The following CBR4 variants were observed in gnomAD, a reference collection of about 807,000 sequenced individuals.
The protein encoded by CBR4 is 3-oxoacyl-[acyl-carrier-protein] reductase.
In CBR4, 22 loss-of-function variants were observed where a neutral mutation model predicts 21.0. That is an observed-to-expected ratio of 1.05 (90% CI 0.75 to 1.50). CBR4 has a LOEUF of 1.50. CBR4 is among the 40% of genes most tolerant of loss of function. The probability of loss-of-function intolerance (pLI) is 0.00; values close to 1 mark genes in which losing one functional copy is unlikely to be tolerated. For synonymous variants in CBR4, 100 were observed against 104.4 expected, an observed-to-expected ratio of 0.96 and a Z score of 0.26; for missense variants, 302 against 286.3, an observed-to-expected ratio of 1.05 and a Z score of -0.40.
intron 2 of CBR4, among the ~76,000 whole-genome samples, chr4:168,943,681 G>A (rs1181576216): frequency 3.3e-5 from 5 of 152,148 alleles, no homozygotes; most frequent in East Asian, 3.9e-4. Context: ...AGGCTGAGAC[G>A]GGTGGATCAC....
intron 2 of CBR4, chr4:168,926,678 C>T (rs1044429312): frequency 2.2e-5 from 8 of 356,634 alleles, no homozygotes; most frequent in African/African-American, 1.6e-4. Flanking sequence ...ATCAATTGTT[C>T]ACAGGTAACT....
At position 168,927,835 on chromosome 4, in the gene CBR4, A is replaced by T. The variant is rs976050795; in HGVS notation, n.170-33070T>A. The T allele has an allele frequency of 2.3e-5, 5 of 214,020 alleles. No homozygotes were observed. The highest frequency in any genetic ancestry group is 4.5e-5 in the African/African-American group (2 of 44,316). The allele number at this position is 214,020 out of a possible 1,614,324, so 13.3% of individuals were successfully genotyped here. Reference sequence around the variant, plus strand: ...AGGAGAAAAAATAATTTGACCTAGTAGTATAAAACATGAGGCTTTAATGGT... The same window carrying T: ...AGGAGAAAAAATAATTTGACCTAGTTGTATAAAACATGAGGCTTTAATGGT... On this transcript the variant is annotated intron_variant and non_coding_transcript_variant, in intron 2 of 3. Coordinates refer to the CBR4 transcript ENST00000509108.
chr4:168,994,745 ATTTTTTTTTTT>A (rs5863973), intron 4 of CBR4, among the ~76,000 whole-genome samples: 6 of 48,786 alleles, frequency 1.2e-4, no homozygotes, highest in African/African-American at 1.5e-4. Context: ...CGCCTGGCTA[ATTTTTTTTTTT>A]TTTTTTTTTT....
rs1473801467 is a variant in CBR4, at chr4:169,006,810, A to T, written c.345T>A (p.Cys115Ter). 1 of 1,613,816 alleles carries T rather than the reference A, an allele frequency of 6.2e-7. No individual in the cohort carries two copies. The change falls in exon 3 of 5, where the codon TGT (cysteine) becomes TGA (stop). Residue 115 changes from cysteine (C) to a stop codon, truncating the protein, a stop_gained. Coordinates refer to ENST00000306193, the MANE Select transcript of CBR4 (RefSeq NM_032783.5). LOFTEE classifies it high-confidence loss of function. ...HTNLLGSMLTCKAAMRTMIQQ... is the reference protein window; with the variant it reads ...HTNLLGSMLT ...GAATCATAGTCCTCATGGCAGCTTT[A>T]CAGGTCAGCATGGAACCCAAGAGGT... is the stretch of plus-strand genomic sequence containing the variant.
At chr4:168,967,532 T>G (rs1342601061) in intron 2 of CBR4, among the ~76,000 whole-genome samples, 2 of 152,144 alleles carry the variant, frequency 1.3e-5, no homozygotes, top group African/African-American at 4.8e-5. Flanking sequence ...GTTCTATTAT[T>G]ATGAAGGAAA....
chr4:168,922,679 T>C (rs1761814015), intron 2 of CBR4, among the ~76,000 whole-genome samples: 1 of 152,236 alleles, frequency 6.6e-6, no homozygotes, highest in Non-Finnish European at 1.5e-5. Flanking sequence ...GTGGTAAATA[T>C]GTGGACTGTG....
At chr4:168,966,727 GCTA>G (rs918601180) in intron 2 of CBR4, among the ~76,000 whole-genome samples, 7 of 151,702 alleles carry the variant, frequency 4.6e-5, no homozygotes, top group African/African-American at 1.7e-4. Flanking sequence ...TATAAATCAT[GCTA>G]CTACAGGGCC....
At chr4:168,925,762 A>G (rs1762464873) in intron 2 of CBR4, among the ~76,000 whole-genome samples, 1 of 152,206 alleles carries the variant, frequency 6.6e-6, no homozygotes, top group South Asian at 2.1e-4. Flanking sequence ...TAACTATGTG[A>G]GGGTCATCAA....
chr4:168,944,721 G>A (rs1019008403), intron 2 of CBR4, among the ~76,000 whole-genome samples: 7 of 152,090 alleles, frequency 4.6e-5, no homozygotes, highest in Non-Finnish European at 7.4e-5. Context: ...AATTCTTTTC[G>A]TGTTTATAAA....
Position 168,931,236 on chromosome 4 carries a change from A to G in CBR4, n.170-36471T>C, listed in dbSNP as rs1023140022. Among the ~76,000 whole-genome samples the G allele has an allele frequency of 8.5e-5, 13 of 152,360 alleles. No homozygotes were observed. The Middle Eastern group carries it at 0.01, about 120-fold the overall frequency. On this transcript the variant is annotated intron_variant and non_coding_transcript_variant, in intron 2 of 3. Coordinates refer to the CBR4 transcript ENST00000509108. ...TAAGCACCTGACATGCCCTCAGGCC[A>G]GAACCAGTACCAGCCTATCTCCTAA...
At position 168,988,223 on chromosome 4, in the gene CBR4, T is replaced by TA. The variant is rs1215658539; in HGVS notation, c.*1926dup. On this transcript the variant is annotated 3_prime_UTR_variant, in exon 5 of 5. Transcript: ENST00000306193. ...GGAGTGGAGCAGTGAAGGTTTATTT[T>TA]ACCTCTTTCAAGATCTCTCCATATA... 1.0e-6 allele frequency: 1 copy of TA among 985,368 alleles called. No homozygotes were observed. The highest frequency in any genetic ancestry group is 1.7e-5 in the African/African-American group (1 of 57,252). The allele number at this position is 985,368 out of a possible 1,614,324, so 61.0% of individuals were successfully genotyped here. A position where few individuals can be genotyped will look rare whatever the true frequency, so the allele number is the denominator to read the frequency against.
intron 2 of CBR4, among the ~76,000 whole-genome samples, chr4:168,933,841 G>T (rs750492730): frequency 2.6e-5 from 4 of 152,050 alleles, no homozygotes; most frequent in Non-Finnish European, 5.9e-5. Context: ...AATAAAACTG[G>T]AAATCAATAA....
intron 2 of CBR4, among the ~76,000 whole-genome samples, chr4:168,918,192 A>C (rs1327561555): frequency 6.8e-6 from 1 of 146,806 alleles, no homozygotes; most frequent in Non-Finnish European, 1.5e-5. Flanking sequence ...CTCCCCCACA[A>C]AAAAAAAAAA....
At chr4:168,959,226 G>A (rs1438898430) in intron 2 of CBR4, among the ~76,000 whole-genome samples, 1 of 152,054 alleles carries the variant, frequency 6.6e-6, no homozygotes, top group Non-Finnish European at 1.5e-5. Flanking sequence ...TGTGAAGTAG[G>A]GATTAAGGTT....
chr4:169,002,125 C>T lies in CBR4; in HGVS notation c.481G>A (p.Ala161Thr). 3 of 1,594,318 alleles carry T rather than the reference C, an allele frequency of 1.9e-6. No individual in the cohort carries two copies. Among genetic ancestry groups the T allele is most frequent in the African/African-American group, 1.4e-5 (1 of 72,304 alleles). ...TTTCTTGCTACCTCTTTAGCAAGAG[C>T]ACGTGAAAATCCAACTAATCCTCCT... Reference protein sequence around the residue: ...SKGGLVGFSRALAKEVARKKI... With the variant: ...SKGGLVGFSRTLAKEVARKKI... The change falls in exon 4 of 5, where the codon GCT becomes ACT. Residue 161 changes from alanine (A) to threonine (T), a missense_variant. Physicochemically the swap from Ala to Thr is moderately conservative, Grantham distance 58. Coordinates refer to ENST00000306193, the MANE Select transcript of CBR4 (RefSeq NM_032783.5).
At chr4:168,899,354 G>A (rs1755946637) in intron 2 of CBR4, among the ~76,000 whole-genome samples, 1 of 152,070 alleles carries the variant, frequency 6.6e-6, no homozygotes, top group Non-Finnish European at 1.5e-5. Flanking sequence ...CAGCAAGGCA[G>A]TAAACAGGAG....
Position 168,976,425 on chromosome 4 carries a change from T to C in CBR4, n.169+25646A>G, listed in dbSNP as rs534806230. Among the ~76,000 whole-genome samples the C allele has an allele frequency of 2.0e-5, 3 of 152,322 alleles. No individual in the cohort carries two copies. In the South Asian group the frequency reaches 6.2e-4, roughly 32 times the overall value. ...TTTGTGTGAGCAACAAGGCTGTTTA[T>C]TTCACCTGCGTGCAGGTGGGCTGAG... On this transcript the variant is annotated intron_variant and non_coding_transcript_variant, in intron 2 of 3. Transcript: ENST00000509108.
chr4:168,932,475 T>C (rs1762998369), intron 2 of CBR4, among the ~76,000 whole-genome samples: 1 of 151,674 alleles, frequency 6.6e-6, no homozygotes, highest in Non-Finnish European at 1.5e-5. Context: ...GAACTCCAGA[T>C]GGAGAAGAGA....
intron 2 of CBR4, chr4:168,927,162 T>C (rs1762673108): frequency 4.4e-6 from 1 of 229,344 alleles, no homozygotes. Context: ...ACCACCCAAA[T>C]GACCAAGGCA....
Sources: allele counts gnomAD v4.1 joint callset (sites outside exome capture counted in the v4.1 genomes callset), GRCh38; gene constraint gnomAD v4.1.1; transcripts MANE v1.5; gene names NCBI Gene and HGNC (gene_info 2026-07-23, HGNC 2026-07-21).